The following CBL variants were observed in gnomAD, a reference collection of about 807,000 sequenced individuals.
CBL encodes E3 ubiquitin-protein ligase CBL.
Under a neutral mutation model 96.9 loss-of-function variants are expected in CBL, and 45 were observed. That is an observed-to-expected ratio of 0.46 (90% CI 0.37 to 0.60). The LOEUF is 0.60. CBL is among the 20% of genes least tolerant of loss of function. The pLI, the probability that CBL is intolerant of heterozygous loss-of-function variation, is 0.00. For missense variants in CBL, 1,024 were observed against 1,143.5 expected (o/e 0.90, Z 1.51); for synonymous variants, 420 against 426.8 (o/e 0.98, Z 0.20).
intron 2 of CBL, among the ~76,000 whole-genome samples, chr11:119,257,356 A>G (rs1216213996): frequency 6.6e-6 from 1 of 152,130 alleles, no homozygotes; most frequent in Non-Finnish European, 1.5e-5. Context: ...TTCCATGATG[A>G]TTAGTGACGT....
At chr11:119,264,901 C>T (rs1428554390) in intron 2 of CBL, among the ~76,000 whole-genome samples, 1 of 152,008 alleles carries the variant, frequency 6.6e-6, no homozygotes, top group Admixed American at 6.6e-5. Context: ...TTTTTTAAGA[C>T]AGTTTTGCTT....
chr11:119,213,757 A>C (rs986608243), intron 1 of CBL, among the ~76,000 whole-genome samples: 3 of 151,894 alleles, frequency 2.0e-5, no homozygotes, highest in Admixed American at 2.0e-4. Context: ...CCCAGGCTGG[A>C]GTGCAGTGTC....
chr11:119,299,378 C>A, intron 15 of CBL, 117 bp from the exon 16 acceptor site: 1 of 916,896 alleles, frequency 1.1e-6, no homozygotes, highest in Non-Finnish European at 1.7e-6. Context: ...GACTGAAGAG[C>A]ACATGTACCC....
At chr11:119,246,033 G>A (rs990130407) in intron 2 of CBL, among the ~76,000 whole-genome samples, 4 of 128,852 alleles carry the variant, frequency 3.1e-5, no homozygotes, top group Non-Finnish European at 6.2e-5. Context: ...GGAGTGCAGC[G>A]GCGCGATCTC....
chr11:119,260,593 A>G (rs1949746972), intron 2 of CBL, among the ~76,000 whole-genome samples: 2 of 152,134 alleles, frequency 1.3e-5, no homozygotes, highest in African/African-American at 4.8e-5. Context: ...AAGCCCTTAA[A>G]AAACATTAGC....
rs1248054611 is a variant in CBL, at chr11:119,271,131, T to C, written c.444-604T>C. Among the ~76,000 whole-genome samples, 3 of 152,258 alleles carry C rather than the reference T, an allele frequency of 2.0e-5. No individual in the cohort carries two copies. In the East Asian group the frequency reaches 5.8e-4, roughly 29 times the overall value. ...AAGACTTATTTATCTTTTATTTAGA[T>C]ATGTTATATGATGATAAATATACTT... On this transcript the variant is annotated intron_variant, in intron 2 of 15. Coordinates refer to ENST00000264033, the MANE Select transcript of CBL (RefSeq NM_005188.4).
intron 1 of CBL, among the ~76,000 whole-genome samples, chr11:119,231,885 C>T (rs1592377209): frequency 1.3e-5 from 2 of 150,668 alleles, no homozygotes; most frequent in South Asian, 4.2e-4. Context: ...AGGCAGGTGG[C>T]ATCGTTTGAG....
intron 1 of CBL, among the ~76,000 whole-genome samples, chr11:119,213,795 C>T (rs1361442979): frequency 6.6e-6 from 1 of 152,084 alleles, no homozygotes; most frequent in South Asian, 2.1e-4. Flanking sequence ...CATCCTTAAG[C>T]GTCTGGGCTC....
At position 119,302,089 on chromosome 11, in the gene CBL, C is replaced by T; in HGVS notation, c.*2308C>T. ...AGGTTAAGGGCAGTCTCGACTTTTC[C>T]TTTTTTGAGTCCTGTGTGGCTCTTT... is the stretch of plus-strand genomic sequence containing the variant. On this transcript the variant is annotated 3_prime_UTR_variant, in exon 16 of 16. Transcript: ENST00000264033. The T allele has an allele frequency of 8.6e-6, 2 of 232,798 alleles. No individual in the cohort carries two copies. The highest frequency in any genetic ancestry group is 1.2e-4 in the East Asian group (2 of 16,530). The allele number at this position is 232,798 out of a possible 1,614,324, so 14.4% of individuals were successfully genotyped here.
chr11:119,223,107 G>A (rs1166913415), intron 1 of CBL, among the ~76,000 whole-genome samples: 1 of 151,466 alleles, frequency 6.6e-6, no homozygotes, highest in Non-Finnish European at 1.5e-5. Context: ...TTGAGTCCAG[G>A]AGTTCAAAGC....
intron 2 of CBL, among the ~76,000 whole-genome samples, chr11:119,261,120 G>A (rs934825960): frequency 6.6e-6 from 1 of 151,420 alleles, no homozygotes; most frequent in Non-Finnish European, 1.5e-5. Flanking sequence ...TGCCATGTTG[G>A]CCAGGCTGGT....
At position 119,303,966 on chromosome 11, in the gene CBL, C is replaced by A. The variant is rs1394321712; in HGVS notation, c.*4185C>A. On this transcript the variant is annotated 3_prime_UTR_variant, in exon 16 of 16. Coordinates refer to ENST00000264033, the MANE Select transcript of CBL (RefSeq NM_005188.4). ...TCCAGTCTTTCAACAACCGTTGTGG[C>A]TAACTATGTTTTAGAAGGGCTGGAG... 2 of 233,542 alleles carry A rather than the reference C, an allele frequency of 8.6e-6. 1 individual carries two copies. Among genetic ancestry groups the A allele is most frequent in the Middle Eastern group, 2.5e-3 (2 of 808 alleles). 14.5% of individuals were successfully genotyped at this position (233,542 alleles called of 1,614,324 possible).
intron 2 of CBL, among the ~76,000 whole-genome samples, chr11:119,267,931 A>G (rs1476196864): frequency 6.6e-6 from 1 of 152,252 alleles, no homozygotes; most frequent in Non-Finnish European, 1.5e-5. Context: ...TATTATGTCT[A>G]GCTGGCTCCT....
chr11:119,297,372 C>G lies in CBL; in HGVS notation c.2154-12C>G, dbSNP rs1044036454. ...TTCCAAAGATCATTATGGCACTTTC[C>G]TTCTGGTTCAGAGCATGTGATTGCG... On this transcript the variant is annotated splice_polypyrimidine_tract_variant and intron_variant, in intron 13 of 15. Coordinates refer to ENST00000264033, the MANE Select transcript of CBL (RefSeq NM_005188.4). The G allele has an allele frequency of 1.9e-6, 3 of 1,598,516 alleles. No homozygotes were observed. Among genetic ancestry groups the G allele is most frequent in the African/African-American group, 1.3e-5 (1 of 74,516 alleles).
In CBL at chr11:119,232,567, G is replaced by A. The variant is rs1949511855; in HGVS notation, c.315G>A (p.Lys105=). ...LRTILSRYEG[K]METLGENEYF... ...CTATCTTGTCAAGATATGAGGGGAA[G>A]ATGGAGACACTTGGAGAAAATGAGT... Residue 105 remains lysine (K), a synonymous_variant, in exon 2 of 16, where the codon AAG becomes AAA. Coordinates refer to ENST00000264033, the MANE Select transcript of CBL (RefSeq NM_005188.4). 6.2e-7 allele frequency: 1 copy of A among 1,614,178 alleles called. No homozygotes were observed.
intron 12 of CBL, among the ~76,000 whole-genome samples, chr11:119,292,304 C>G (rs892432508): frequency 6.6e-6 from 1 of 151,694 alleles, no homozygotes; most frequent in African/African-American, 2.4e-5. Flanking sequence ...TTGTCCTCCT[C>G]TTCTGGGACT....
intron 1 of CBL, among the ~76,000 whole-genome samples, chr11:119,226,360 C>T (rs1017571460): frequency 2.0e-5 from 3 of 152,010 alleles, no homozygotes; most frequent in African/African-American, 7.2e-5. Context: ...TTATTGAATG[C>T]GATTTTTTTG....
chr11:119,221,659 T>C (rs1949412085), intron 1 of CBL, among the ~76,000 whole-genome samples: 1 of 151,836 alleles, frequency 6.6e-6, no homozygotes. Context: ...TTTCGGTTAC[T>C]TGGGAGGCTG....
chr11:119,298,636 C>A, intron 15 of CBL, 96 bp downstream of exon 15: 3 of 1,060,130 alleles, frequency 2.8e-6, no homozygotes, highest in South Asian at 1.3e-5. Flanking sequence ...GACAGTAAGT[C>A]AGTATGTAGG....
Sources: allele counts gnomAD v4.1 joint callset (sites outside exome capture counted in the v4.1 genomes callset), GRCh38; gene constraint gnomAD v4.1.1; transcripts MANE v1.5; gene names NCBI Gene and HGNC (gene_info 2026-07-23, HGNC 2026-07-21).